The following IL6R variants were observed in gnomAD, a reference collection of about 807,000 sequenced individuals.
IL6R encodes interleukin-6 receptor subunit alpha.
IL6R carries 38 observed loss-of-function variants against 48.3 expected under a neutral mutation model. The observed-to-expected ratio is 0.79, with a 90% CI of 0.61 to 1.03. The LOEUF (loss-of-function observed/expected upper bound fraction) is 1.03. IL6R is among the 50% of genes least tolerant of loss of function. The pLI, the probability that IL6R is intolerant of heterozygous loss-of-function variation, is 0.00. For synonymous variants in IL6R, 264 were observed against 256.2 expected (o/e 1.03, Z -0.29); for missense variants, 534 against 618.3 (o/e 0.86, Z 1.45).
intron 2 of IL6R, 66 bp downstream of exon 2, chr1:154,429,510 C>G: frequency 6.6e-7 from 1 of 1,521,688 alleles, no homozygotes. Flanking sequence ...GCATTCCAGA[C>G]AGTCCCTGTC....
chr1:154,408,484 G>A (rs1008098481), intron 1 of IL6R, among the ~76,000 whole-genome samples: 3 of 152,126 alleles, frequency 2.0e-5, no homozygotes, highest in Non-Finnish European at 4.4e-5. Flanking sequence ...GGGCCACTGG[G>A]TACCAACTAC....
chr1:154,412,691 A>G (rs970755508), intron 1 of IL6R, among the ~76,000 whole-genome samples: 3 of 152,200 alleles, frequency 2.0e-5, no homozygotes, highest in African/African-American at 7.2e-5. Flanking sequence ...AAGATTAGGT[A>G]TGTTCTGAAA....
At chr1:154,461,119 T>G (rs1290173801) in intron 9 of IL6R, among the ~76,000 whole-genome samples, 10 of 152,186 alleles carry the variant, frequency 6.6e-5, no homozygotes, top group African/African-American at 2.4e-4. Flanking sequence ...ATGTCAGGGT[T>G]TTCTTCTCTG....
chr1:154,430,722 G>C, intron 3 of IL6R, 116 bp downstream of exon 3: 2 of 1,367,460 alleles, frequency 1.5e-6, no homozygotes, highest in Non-Finnish European at 2.0e-6. Flanking sequence ...ATTCCTTCAG[G>C]CTGAGGAAGA....
rs1687643381 is a variant in IL6R, at chr1:154,405,436, A to G, written c.-194A>G. On this transcript the variant is annotated 5_prime_UTR_variant, in exon 1 of 10. Transcript: ENST00000368485. This position sits in a 1 kb window ranked among gnomAD's most constrained non-coding sequence, Gnocchi z 5.2. Reference sequence around the variant, plus strand: ...CACTGAGCCGGGCCAGAGGGAGAGGAGCCGAGCGCGGCGCGGGGCCGAGGG... The same window carrying G: ...CACTGAGCCGGGCCAGAGGGAGAGGGGCCGAGCGCGGCGCGGGGCCGAGGG... 5.5e-6 allele frequency: 3 copies of G among 543,974 alleles called. No homozygotes were observed. The South Asian group carries it at 6.9e-5, about 13-fold the overall frequency. 33.7% of individuals were successfully genotyped at this position (543,974 alleles called of 1,614,324 possible). A position where few individuals can be genotyped will look rare whatever the true frequency, so the allele number is the denominator to read the frequency against.
intron 1 of IL6R, among the ~76,000 whole-genome samples, chr1:154,407,529 C>A (rs1015001342): frequency 6.6e-6 from 1 of 152,172 alleles, no homozygotes; most frequent in Admixed American, 6.5e-5. Context: ...AAATACCCAG[C>A]CCCTCTCCCA....
chr1:154,451,796 A>G (rs1690598030), intron 8 of IL6R, among the ~76,000 whole-genome samples: 1 of 151,996 alleles, frequency 6.6e-6, no homozygotes, highest in African/African-American at 2.4e-5. Context: ...TCGGTCTCCC[A>G]AAGTGCTGGG....
Position 154,467,578 on chromosome 1 carries a change from T to C in IL6R, c.*2198T>C, listed in dbSNP as rs1429374255. On this transcript the variant is annotated 3_prime_UTR_variant, in exon 10 of 10. Transcript: ENST00000368485. Reference sequence around the variant, plus strand: ...GTCTGTAGATTTTAGACCCTATTGCTGCTTGAGGCAACTCATCTTAGGTTG... The same window carrying C: ...GTCTGTAGATTTTAGACCCTATTGCCGCTTGAGGCAACTCATCTTAGGTTG... 6.6e-6 allele frequency: 1 copy of C among 152,246 alleles called. No individual in the cohort carries two copies. The highest frequency in any genetic ancestry group is 1.5e-5 in the Non-Finnish European group (1 of 68,056). The allele number at this position is 152,246 out of a possible 1,614,324, so 9.4% of individuals were successfully genotyped here.
chr1:154,434,639 C>T lies in IL6R; in HGVS notation c.579C>T (p.Cys193=), dbSNP rs1232275052. ...GCTCTTTCTACATAGTGTCCATGTG[C>T]GTCGCCAGTAGTGTCGGGAGCAAGT... ...GDSSFYIVSM[C]VASSVGSKFS... is the part of the protein sequence containing the mutation. The change falls in exon 4 of 10, where the codon TGC becomes TGT. Residue 193 remains cysteine, a synonymous_variant. Coordinates refer to ENST00000368485, the MANE Select transcript of IL6R (RefSeq NM_000565.4). 7 of 1,614,132 alleles carry T rather than the reference C, an allele frequency of 4.3e-6. No individual in the cohort carries two copies. Among genetic ancestry groups the T allele is most frequent in the East Asian group, 2.2e-5 (1 of 44,886 alleles).
In IL6R at chr1:154,430,502, G is replaced by C. The variant is rs1231135963; in HGVS notation, c.354G>C (p.Gln118His). The C allele has an allele frequency of 5.0e-6, 8 of 1,613,938 alleles. No individual in the cohort carries two copies. Among genetic ancestry groups the C allele is most frequent in the Non-Finnish European group, 5.9e-6 (7 of 1,179,938 alleles). The change falls in exon 3 of 10, where the codon CAG becomes CAC. Residue 118 changes from glutamine to histidine, a missense_variant. Physicochemically the swap from Gln to His is conservative, Grantham distance 24. Transcript: ENST00000368485. Reference sequence around the variant, plus strand: ...TTTCAGTTCCCCCCGAGGAGCCCCAGCTCTCCTGCTTCCGGAAGAGCCCCC... The same window carrying C: ...TTTCAGTTCCCCCCGAGGAGCCCCACCTCTCCTGCTTCCGGAAGAGCCCCC... Reference protein sequence around the residue: ...LLVDVPPEEPQLSCFRKSPLS... With the variant: ...LLVDVPPEEPHLSCFRKSPLS...
rs1019805048 is a variant in IL6R at position 154,414,560 on chromosome 1, C to T, written c.85+8846C>T. On this transcript the variant is annotated intron_variant, in intron 1 of 9. Transcript: ENST00000368485. ...GTTGAAGAAGAGGATCTGGTGGCCT[C>T]GGTAAAAGGGATTTTCTCATAGGCT... 1.6e-5 allele frequency: 12 copies of T among 746,254 alleles called. 1 individual carries two copies. The Middle Eastern group carries it at 1.0e-3, about 63-fold the overall frequency. The allele number at this position is 746,254 out of a possible 1,614,324, so 46.2% of individuals were successfully genotyped here. A position where few individuals can be genotyped will look rare whatever the true frequency, so the allele number is the denominator to read the frequency against.
intron 1 of IL6R, among the ~76,000 whole-genome samples, chr1:154,412,327 C>T (rs998935873): frequency 6.6e-6 from 1 of 151,730 alleles, no homozygotes; most frequent in Non-Finnish European, 1.5e-5. Context: ...AATCTCAGCT[C>T]ACTGCAACCT....
intron 9 of IL6R, among the ~76,000 whole-genome samples, chr1:154,461,489 C>T (rs978704944): frequency 3.9e-5 from 6 of 152,208 alleles, no homozygotes; most frequent in African/African-American, 1.4e-4. Context: ...AGAGGGTTCA[C>T]CTCTTGCCTT....
intron 1 of IL6R, among the ~76,000 whole-genome samples, chr1:154,419,727 T>C (rs2149218739): frequency 1.3e-5 from 2 of 152,318 alleles, no homozygotes; most frequent in East Asian, 3.9e-4. Context: ...AAGCTGAACT[T>C]GTTTTTGCTG....
rs1273991580 is a variant in IL6R, at chr1:154,405,661, C to T, written c.32C>T (p.Ala11Val). The T allele has an allele frequency of 6.5e-7, 1 of 1,532,090 alleles. No homozygotes were observed. Among genetic ancestry groups the T allele is most frequent in the Non-Finnish European group, 8.7e-7 (1 of 1,146,686 alleles). 94.9% of individuals were successfully genotyped at this position (1,532,090 alleles called of 1,614,324 possible). Residue 11 changes from alanine (A) to valine (V), a missense_variant, in exon 1 of 10, where the codon GCC (alanine) becomes GTC (valine). Ala to Val is a moderately conservative substitution (Grantham distance 64). Transcript: ENST00000368485. The surrounding 1 kb of genome is among the most constrained non-coding windows in gnomAD (Gnocchi z 5.2). ...GCCGTCGGCTGCGCGCTGCTGGCTG[C>T]CCTGCTGGCCGCGCCGGGAGCGGCG... MLAVGCALLA[A>V]LLAAPGAALA...
intron 6 of IL6R, among the ~76,000 whole-genome samples, chr1:154,444,383 T>C (rs1476401121): frequency 6.6e-6 from 1 of 152,096 alleles, no homozygotes; most frequent in African/African-American, 2.4e-5. Flanking sequence ...TAATTTTGTA[T>C]TTTTAGTAGA....
Position 154,465,608 on chromosome 1 carries a change from C to T in IL6R, c.*228C>T, listed in dbSNP as rs7514452. 0.8 allele frequency: 456,914 copies of T among 573,846 alleles called. 182,452 individuals are homozygous for T. The highest frequency in any genetic ancestry group is 0.84 in the Admixed American group (27,604 of 32,956). 35.5% of individuals were successfully genotyped at this position (573,846 alleles called of 1,614,324 possible). A position where few individuals can be genotyped will look rare whatever the true frequency, so the allele number is the denominator to read the frequency against. On this transcript the variant is annotated 3_prime_UTR_variant, in exon 10 of 10. Transcript: ENST00000368485. ...TTTCCAAATGCCCAGCTTAAAGGGG[C>T]TAGAGTGAACTTGGGCCACTGTGAA...
intron 9 of IL6R, among the ~76,000 whole-genome samples, chr1:154,456,450 G>T (rs536871539): frequency 2.0e-5 from 3 of 151,950 alleles, no homozygotes; most frequent in Non-Finnish European, 2.9e-5. Context: ...CAGATGATCC[G>T]CCCGCCTCCG....
At chr1:154,428,841 C>A (rs1292725726) in intron 1 of IL6R, among the ~76,000 whole-genome samples, 1 of 152,030 alleles carries the variant, frequency 6.6e-6, no homozygotes, top group Non-Finnish European at 1.5e-5. Context: ...GGGGAGGGCT[C>A]CACACCTTCT....
Sources: gnomAD v4.1 joint callset for allele counts (sites outside exome capture counted in the v4.1 genomes callset) on GRCh38, gnomAD v4.1.1 for gene constraint, Gnocchi (gnomAD v3.1) non-coding constraint, MANE v1.5 for transcripts, NCBI Gene and HGNC (gene_info 2026-07-23, HGNC 2026-07-21) for gene names.